Variants in ABTB3 observed in about 807,000 individuals in gnomAD.
The protein encoded by ABTB3 is ankyrin repeat and BTB domain containing 3.
chr12:107,447,167 G>C, the ABTB3 span, among the ~76,000 whole-genome samples: 1 of 152,018 alleles, frequency 6.6e-6, no homozygotes. Flanking sequence ...TTGAGATGGA[G>C]TTTTCACTCT....
chr12:107,551,791 T>G, the ABTB3 span, among the ~76,000 whole-genome samples: 1 of 152,004 alleles, frequency 6.6e-6, no homozygotes, highest in Non-Finnish European at 1.5e-5. Flanking sequence ...TCACTCTTAT[T>G]GCCCAGGCTG....
chr12:107,652,897 TTTTA>T, the ABTB3 span, among the ~76,000 whole-genome samples: 10 of 152,122 alleles, frequency 6.6e-5, no homozygotes, highest in South Asian at 2.1e-4. Context: ...AGTTAGGTTG[TTTTA>T]TTTATTTATT....
At chr12:107,573,720 T>C in the ABTB3 span, among the ~76,000 whole-genome samples, 3 of 151,468 alleles carry the variant, frequency 2.0e-5, no homozygotes, top group South Asian at 2.1e-4. Flanking sequence ...CAGAGAAGAG[T>C]TGAGGTTGCA....
the ABTB3 span, among the ~76,000 whole-genome samples, chr12:107,390,120 G>A: frequency 6.6e-6 from 1 of 152,156 alleles, no homozygotes; most frequent in Non-Finnish European, 1.5e-5. Context: ...ATGGCACTGA[G>A]AGGGGTGGTC....
At chr12:107,467,242 G>T in the ABTB3 span, among the ~76,000 whole-genome samples, 1 of 152,076 alleles carries the variant, frequency 6.6e-6, no homozygotes, top group Non-Finnish European at 1.5e-5. Flanking sequence ...GCTGAGGTGG[G>T]CAAGTCATCC....
At chr12:107,508,954 T>A in the ABTB3 span, among the ~76,000 whole-genome samples, 1 of 152,180 alleles carries the variant, frequency 6.6e-6, no homozygotes, top group Non-Finnish European at 1.5e-5. Context: ...CCTGTGACAT[T>A]TTCATAGCTA....
chr12:107,324,854 C>T, the ABTB3 span, among the ~76,000 whole-genome samples: 6 of 152,178 alleles, frequency 3.9e-5, no homozygotes, highest in South Asian at 2.1e-4. Flanking sequence ...AAAGACCTTA[C>T]GCTTAGATCT....
At chr12:107,373,262 T>A in the ABTB3 span, among the ~76,000 whole-genome samples, 1 of 152,008 alleles carries the variant, frequency 6.6e-6, no homozygotes, top group East Asian at 1.9e-4. Flanking sequence ...TGCATCTGTG[T>A]GTGTAGATGG....
At chr12:107,526,691 T>C in the ABTB3 span, among the ~76,000 whole-genome samples, 12 of 152,284 alleles carry the variant, frequency 7.9e-5, no homozygotes, top group East Asian at 2.3e-3. Context: ...CTTTTCACAC[T>C]AGAGTGTGAA....
chr12:107,345,839 T>C, the ABTB3 span, among the ~76,000 whole-genome samples: 4 of 152,144 alleles, frequency 2.6e-5, no homozygotes, highest in Non-Finnish European at 5.9e-5. Context: ...TAGAAGGAAA[T>C]GAATGACGAG....
chr12:107,481,919 CTCTCTCTCTT>C, the ABTB3 span, among the ~76,000 whole-genome samples: 1 of 149,078 alleles, frequency 6.7e-6, no homozygotes, highest in Non-Finnish European at 1.5e-5. Flanking sequence ...CTCTCTCTCT[CTCTCTCTCTT>C]TCTTTCTCCC....
chr12:107,650,281 G>A, the ABTB3 span: 1 of 152,138 alleles, frequency 6.6e-6, no homozygotes, highest in Non-Finnish European at 1.5e-5. Flanking sequence ...TTTTTTAGAG[G>A]ATCTTAAAAT....
chr12:107,613,003 T>C, the ABTB3 span: 1 of 820,458 alleles, frequency 1.2e-6, no homozygotes, highest in Non-Finnish European at 1.9e-6. Flanking sequence ...TCCTGTGTCC[T>C]TTTAGTTGCT....
At chr12:107,569,409 T>C in the ABTB3 span, among the ~76,000 whole-genome samples, 2 of 152,228 alleles carry the variant, frequency 1.3e-5, no homozygotes, top group Admixed American at 6.5e-5. Flanking sequence ...TTAACTATGG[T>C]AAGTTCAAAG....
chr12:107,407,149 G>A, the ABTB3 span, among the ~76,000 whole-genome samples: 2 of 152,138 alleles, frequency 1.3e-5, no homozygotes, highest in African/African-American at 4.8e-5. Context: ...AAGTCACTCT[G>A]AGCCTCAGTT....
chr12:107,559,877 T>C, the ABTB3 span, among the ~76,000 whole-genome samples: 9 of 152,222 alleles, frequency 5.9e-5, no homozygotes, highest in Non-Finnish European at 1.2e-4. Context: ...TGAAAAGTTA[T>C]ATATGCTTGT....
At chr12:107,655,334 T>C in the ABTB3 span, among the ~76,000 whole-genome samples, 1 of 152,024 alleles carries the variant, frequency 6.6e-6, no homozygotes, top group Non-Finnish European at 1.5e-5. Context: ...CAGCTCTGCC[T>C]CCGCCTTCCC....
At chr12:107,477,757 G>T in the ABTB3 span, among the ~76,000 whole-genome samples, 1 of 152,176 alleles carries the variant, frequency 6.6e-6, no homozygotes, top group African/African-American at 2.4e-5. Flanking sequence ...AAAGAAAAAT[G>T]AGAGTGAAGA....
At chr12:107,657,325 G>T in the ABTB3 span, among the ~76,000 whole-genome samples, 5 of 152,272 alleles carry the variant, frequency 3.3e-5, no homozygotes, top group South Asian at 1.0e-3. Flanking sequence ...TGGAGGAATG[G>T]ACTCTAACCC....
Sources: allele counts gnomAD v4.1 joint callset (sites outside exome capture counted in the v4.1 genomes callset), GRCh38; gene constraint gnomAD v4.1.1; transcripts MANE v1.5; gene names NCBI Gene and HGNC (gene_info 2026-07-23, HGNC 2026-07-21).